CLIC5: variants seen among roughly 807,000 people sequenced by gnomAD.
The protein encoded by CLIC5 is chloride intracellular channel protein 5.
A neutral mutation model predicts 24.7 loss-of-function variants in CLIC5; 20 were observed. That is an observed-to-expected ratio of 0.81 (90% confidence interval 0.57 to 1.18). The LOEUF is 1.18. Ranked by LOEUF, CLIC5 falls within the 50% of genes most tolerant of loss-of-function variation. The probability of loss-of-function intolerance (pLI) is 0.00; values close to 1 mark genes in which losing one functional copy is unlikely to be tolerated. For synonymous variants in CLIC5, 159 were observed against 135.6 expected, an observed-to-expected ratio of 1.17 and a Z score of -1.20; for missense variants, 341 against 326.1, an observed-to-expected ratio of 1.05 and a Z score of -0.35.
At chr6:46,007,022 G>C (rs900764055) in intron 1 of CLIC5, among the ~76,000 whole-genome samples, 2 of 152,048 alleles carry the variant, frequency 1.3e-5, no homozygotes, top group Non-Finnish European at 2.9e-5. Context: ...TCTTCTCCAT[G>C]CTCCCTCCTC....
At chr6:45,981,145 T>A (rs544915061) in intron 1 of CLIC5, among the ~76,000 whole-genome samples, 1 of 152,106 alleles carries the variant, frequency 6.6e-6, no homozygotes, top group East Asian at 1.9e-4. Context: ...AATTTTTGTA[T>A]TTCTTGTAGA....
In CLIC5 at chr6:45,939,078, G is replaced by A. The variant is rs115863882; in HGVS notation, c.406+2469C>T. Among the ~76,000 whole-genome samples the A allele has an allele frequency of 5.9e-3, 902 of 152,222 alleles. 6 individuals carry two copies. Among genetic ancestry groups the A allele is most frequent in the African/African-American group, 0.021 (859 of 41,526 alleles). On this transcript the variant is annotated intron_variant, in intron 4 of 5. Transcript: ENST00000339561. ...TTCCCCTTACAGTTCCAATATCAAG[G>A]TATTAGTAGGTGTCCTTCCTTGCCT... is the stretch of plus-strand genomic sequence containing the variant.
At chr6:46,015,889 T>G (rs951876837), upstream of CLIC5, 52 of 1,020,704 alleles carry the variant, frequency 5.1e-5, no homozygotes, top group Non-Finnish European at 6.0e-5. Flanking sequence ...GCGCCCAAAA[T>G]AGCCGGCGGC....
intron 4 of CLIC5, among the ~76,000 whole-genome samples, chr6:45,935,783 G>A (rs111553253): frequency 1.1e-4 from 16 of 152,154 alleles, no homozygotes; most frequent in African/African-American, 3.6e-4. Flanking sequence ...GCTCTCTCTG[G>A]TTGTGTAGAA....
At chr6:45,990,655 C>T (rs1472941261) in intron 1 of CLIC5, among the ~76,000 whole-genome samples, 2 of 152,246 alleles carry the variant, frequency 1.3e-5, no homozygotes, top group African/African-American at 2.4e-5. Flanking sequence ...ACAAAATATA[C>T]TGATGCCAAG....
At chr6:46,019,181 T>C (rs1450010041), upstream of CLIC5, among the ~76,000 whole-genome samples, 3 of 151,234 alleles carry the variant, frequency 2.0e-5, no homozygotes, top group Non-Finnish European at 4.4e-5. Context: ...AAACTGATAA[T>C]AAAATGGTAC....
intron 1 of CLIC5, among the ~76,000 whole-genome samples, chr6:46,001,117 G>A (rs1332736104): frequency 6.6e-6 from 1 of 152,162 alleles, no homozygotes; most frequent in African/African-American, 2.4e-5. Flanking sequence ...AGGAGTGTTA[G>A]GCCTAGATAA....
chr6:46,121,339 C>A, the CLIC5 span, among the ~76,000 whole-genome samples: 1 of 145,058 alleles, frequency 6.9e-6, no homozygotes, highest in East Asian at 2.0e-4. Flanking sequence ...CTAAGCTTCA[C>A]AAGTGAAGGA....
At chr6:46,013,806 A>T (rs1244200626) in intron 1 of CLIC5, among the ~76,000 whole-genome samples, 1 of 152,200 alleles carries the variant, frequency 6.6e-6, no homozygotes, top group Non-Finnish European at 1.5e-5. Flanking sequence ...ACACCTTGAA[A>T]CTACCACTCT....
chr6:45,935,632 G>A (rs1359754919), intron 4 of CLIC5, among the ~76,000 whole-genome samples: 5 of 152,206 alleles, frequency 3.3e-5, no homozygotes, highest in African/African-American at 1.2e-4. Context: ...ATGCAGTGCT[G>A]CTTTCTCCCA....
chr6:46,060,349 T>C (rs1762215601), intron 1 of CLIC5, among the ~76,000 whole-genome samples: 1 of 152,180 alleles, frequency 6.6e-6, no homozygotes, highest in Non-Finnish European at 1.5e-5. Flanking sequence ...GGAAATTACT[T>C]GTAAAATTAT....
chr6:45,926,248 A>AT (rs1353372567), intron 4 of CLIC5, among the ~76,000 whole-genome samples: 56 of 110,496 alleles, frequency 5.1e-4, no homozygotes, highest in African/African-American at 1.5e-3. Flanking sequence ...TATATATTTT[A>AT]TTTTTTTTAT....
intron 4 of CLIC5, among the ~76,000 whole-genome samples, chr6:45,937,763 C>G (rs1763991154): frequency 6.6e-6 from 1 of 152,148 alleles, no homozygotes; most frequent in Non-Finnish European, 1.5e-5. Flanking sequence ...CTCCATTACT[C>G]CAGTACTGCT....
downstream of CLIC5, among the ~76,000 whole-genome samples, chr6:45,893,858 A>C (rs1332133296): frequency 6.6e-6 from 1 of 152,192 alleles, no homozygotes; most frequent in Non-Finnish European, 1.5e-5. Context: ...TATGTGGACT[A>C]AAAAAAGAAA....
chr6:46,037,214 T>C (rs1767687327), intron 1 of CLIC5, among the ~76,000 whole-genome samples: 1 of 152,216 alleles, frequency 6.6e-6, no homozygotes, highest in Non-Finnish European at 1.5e-5. Context: ...AGAGCTCTTT[T>C]GTATATCTGT....
chr6:45,907,165 T>G (rs1468073361), intron 5 of CLIC5, among the ~76,000 whole-genome samples: 1 of 152,216 alleles, frequency 6.6e-6, no homozygotes, highest in African/African-American at 2.4e-5. Flanking sequence ...AGATTTGTCA[T>G]AGATAGATGG....
At chr6:45,892,329 T>G (rs1762354328) in intron 6 of CLIC5, 1 of 152,242 alleles carries the variant, frequency 6.6e-6, no homozygotes, top group Non-Finnish European at 1.5e-5. Flanking sequence ...CCATTAACAC[T>G]ACTTGTGATA....
intron 1 of CLIC5, among the ~76,000 whole-genome samples, chr6:46,012,556 T>C (rs970885999): frequency 6.6e-6 from 1 of 152,196 alleles, no homozygotes; most frequent in Non-Finnish European, 1.5e-5. Flanking sequence ...CATAAATAAA[T>C]GTCACCATGA....
intron 1 of CLIC5, among the ~76,000 whole-genome samples, chr6:45,985,456 C>T (rs1462630318): frequency 6.6e-6 from 1 of 152,112 alleles, no homozygotes; most frequent in African/African-American, 2.4e-5. Flanking sequence ...AGGCTCATCC[C>T]CAAAACACTG....
Sources: gnomAD v4.1 joint callset for allele counts (sites outside exome capture counted in the v4.1 genomes callset) on GRCh38, gnomAD v4.1.1 for gene constraint, MANE v1.5 for transcripts, NCBI Gene and HGNC (gene_info 2026-07-23, HGNC 2026-07-21) for gene names.